The following DSCAM variants were observed in gnomAD, a reference collection of about 807,000 sequenced individuals.
DSCAM encodes cell adhesion molecule DSCAM.
DSCAM carries 47 observed loss-of-function variants against 217.7 expected under a neutral mutation model. That is an observed-to-expected ratio of 0.22 (90% CI 0.17 to 0.28). DSCAM has a LOEUF of 0.28. DSCAM is among the 10% of genes least tolerant of loss of function. The pLI, the probability that DSCAM is intolerant of heterozygous loss-of-function variation, is 1.00. For synonymous variants in DSCAM, 1,056 were observed against 1,015.3 expected (o/e 1.04, Z -0.76); for missense variants, 2,080 against 2,618.3 (o/e 0.79, Z 4.49).
At chr21:40,203,277 T>C (rs1374066440) in intron 11 of DSCAM, among the ~76,000 whole-genome samples, 1 of 152,256 alleles carries the variant, frequency 6.6e-6, no homozygotes, top group Non-Finnish European at 1.5e-5. Context: ...TTCCACCTTA[T>C]GTTTGCAGAT....
At chr21:40,166,483 T>A (rs2090596000) in intron 16 of DSCAM, among the ~76,000 whole-genome samples, 1 of 152,246 alleles carries the variant, frequency 6.6e-6, no homozygotes, top group Non-Finnish European at 1.5e-5. Flanking sequence ...GCCATGCTAC[T>A]GACCTGAAGG....
intron 3 of DSCAM, among the ~76,000 whole-genome samples, chr21:40,419,946 T>A (rs2075407310): frequency 6.6e-6 from 1 of 152,146 alleles, no homozygotes; most frequent in African/African-American, 2.4e-5. Context: ...TAAGTATATA[T>A]AAAATTTAAG....
At chr21:40,182,694 T>G (rs1167834377) in intron 14 of DSCAM, among the ~76,000 whole-genome samples, 3 of 66,690 alleles carry the variant, frequency 4.5e-5, no homozygotes, top group East Asian at 5.7e-4. Flanking sequence ...AGAGAAACCG[T>G]GGACGGGGGG....
rs1044137254 is a variant in DSCAM at position 40,807,694 on chromosome 21, G to T, written c.43+38925C>A. Among the ~76,000 whole-genome samples the T allele has an allele frequency of 5.9e-5, 9 of 152,292 alleles. No homozygotes were observed. The East Asian group carries it at 1.7e-3, about 29-fold the overall frequency. On this transcript the variant is annotated intron_variant, in intron 1 of 32. Coordinates refer to ENST00000400454, the MANE Select transcript of DSCAM (RefSeq NM_001389.5). ...GCCATCTTTCAAGTGGGACAGAGAA[G>T]TAATAAAAGTGCAGTTAGAACCAGA... is the stretch of plus-strand genomic sequence containing the variant.
chr21:40,140,909 G>A (rs568808427), intron 18 of DSCAM, among the ~76,000 whole-genome samples: 1 of 143,492 alleles, frequency 7.0e-6, no homozygotes, highest in East Asian at 2.1e-4. Flanking sequence ...TTTGGCAAAT[G>A]TGTCTACTGC....
chr21:40,181,496 A>C (rs2090800853), intron 14 of DSCAM, among the ~76,000 whole-genome samples: 1 of 152,142 alleles, frequency 6.6e-6, no homozygotes. Flanking sequence ...TGTCAAGGTA[A>C]GGTTTTTATT....
chr21:40,737,682 A>G (rs2091078850), intron 1 of DSCAM, among the ~76,000 whole-genome samples: 1 of 152,176 alleles, frequency 6.6e-6, no homozygotes, highest in Admixed American at 6.5e-5. Context: ...TGTCATGACT[A>G]TCAGGTGATT....
At chr21:40,179,877 G>A (rs776438385) in intron 14 of DSCAM, among the ~76,000 whole-genome samples, 10 of 152,206 alleles carry the variant, frequency 6.6e-5, no homozygotes, top group Admixed American at 1.3e-4. Context: ...TTGGGCAGTT[G>A]TTGACTGTAG....
intron 3 of DSCAM, among the ~76,000 whole-genome samples, chr21:40,526,621 G>A (rs771591989): frequency 2.6e-5 from 4 of 152,044 alleles, no homozygotes; most frequent in East Asian, 1.9e-4. Flanking sequence ...AGGTAACTTC[G>A]GGCTGGCCAG....
intron 1 of DSCAM, among the ~76,000 whole-genome samples, chr21:40,836,902 T>A (rs2092061604): frequency 6.6e-6 from 1 of 152,304 alleles, no homozygotes; most frequent in African/African-American, 2.4e-5. Flanking sequence ...CTTTCCAAAC[T>A]ACAGCCCATT....
intron 3 of DSCAM, among the ~76,000 whole-genome samples, chr21:40,448,490 G>C (rs1325323102): frequency 1.3e-5 from 2 of 152,144 alleles, no homozygotes; most frequent in Admixed American, 1.3e-4. Flanking sequence ...CAAATCTTGA[G>C]ACTCAGGCTG....
At chr21:40,720,410 T>C (rs1221673046) in intron 1 of DSCAM, among the ~76,000 whole-genome samples, 1 of 152,228 alleles carries the variant, frequency 6.6e-6, no homozygotes, top group Admixed American at 6.5e-5. Flanking sequence ...GATGGGCTTA[T>C]AATGACTTGG....
At position 40,453,091 on chromosome 21, in the gene DSCAM, T is replaced by TGTGTGTGA. The variant is rs1555921384; in HGVS notation, c.509-83847_509-83846insTCACACAC. On this transcript the variant is annotated intron_variant, in intron 3 of 32. Transcript: ENST00000400454. ...GTGTGTGTGTGTGTGTGTGTGTGTGTGAGATATATGTGTATATCTACACAT... is the reference window on the plus strand; with the variant it reads ...GTGTGTGTGTGTGTGTGTGTGTGTGTGTGTGTGAGAGATATATGTGTATATCTACACAT... Among the ~76,000 whole-genome samples the TGTGTGTGA allele has an allele frequency of 6.2e-5, 8 of 128,980 alleles. 1 individual carries two copies. Among genetic ancestry groups the TGTGTGTGA allele is most frequent in the South Asian group, 5.0e-4 (2 of 3,986 alleles). The allele number at this position is 128,980 out of a possible 152,430, so 84.6% of individuals were successfully genotyped here.
intron 3 of DSCAM, chr21:40,383,556 A>G (rs79923220): frequency 1.3e-5 from 2 of 152,198 alleles, no homozygotes; most frequent in Admixed American, 1.3e-4. Flanking sequence ...AGGTGCCTCC[A>G]CTAGAATTCT....
chr21:40,533,730 C>G (rs2076473421), intron 3 of DSCAM, among the ~76,000 whole-genome samples: 2 of 148,750 alleles, frequency 1.3e-5, no homozygotes, highest in African/African-American at 4.9e-5. Context: ...CCCACCCACC[C>G]ATCTATCCAT....
At chr21:40,227,727 G>A (rs181551727) in intron 11 of DSCAM, among the ~76,000 whole-genome samples, 35 of 152,274 alleles carry the variant, frequency 2.3e-4, no homozygotes, top group Non-Finnish European at 5.1e-4. Flanking sequence ...GAAAAGTTGA[G>A]ATAATAACAC....
chr21:40,235,804 ACCAACAG>A (rs1402839332), intron 11 of DSCAM, among the ~76,000 whole-genome samples: 1 of 152,080 alleles, frequency 6.6e-6, no homozygotes, highest in Non-Finnish European at 1.5e-5. Flanking sequence ...TTTACACTGC[ACCAACAG>A]CCATCATCAT....
In DSCAM at chr21:40,422,475, A is replaced by AAT. The variant is rs1555916370; in HGVS notation, c.509-53232_509-53231dup. 3.4e-3 allele frequency among the ~76,000 whole-genome samples: 510 copies of AAT among 151,510 alleles called. 5 individuals carry two copies. The highest frequency in any genetic ancestry group is 0.011 in the African/African-American group (471 of 41,276). ...TGAAACTCCATCTCTACTAAAAAAA[A>AAT]ATATATATATACAAAAATTAGCCGG... On this transcript the variant is annotated intron_variant, in intron 3 of 32. Coordinates refer to ENST00000400454, the MANE Select transcript of DSCAM (RefSeq NM_001389.5).
chr21:40,167,324 C>T (rs761484135), intron 15 of DSCAM, 36 bp from the exon 16 acceptor site: 50 of 1,601,438 alleles, frequency 3.1e-5, no homozygotes, highest in Admixed American at 8.3e-5. Flanking sequence ...AGGTTAGAGA[C>T]GCTTTCCGGA....
Sources: allele counts gnomAD v4.1 joint callset (sites outside exome capture counted in the v4.1 genomes callset), GRCh38; gene constraint gnomAD v4.1.1; transcripts MANE v1.5; gene names NCBI Gene and HGNC (gene_info 2026-07-23, HGNC 2026-07-21).